The following TMEM135 variants were observed in gnomAD, a reference collection of about 807,000 sequenced individuals.
TMEM135 encodes the protein peroxisomal membrane protein 52.
A neutral mutation model predicts 60.3 loss-of-function variants in TMEM135; 30 were observed. The observed-to-expected ratio is 0.50, with a 90% CI of 0.37 to 0.68. The LOEUF (loss-of-function observed/expected upper bound fraction) is 0.68, where lower values mean the gene tolerates loss of function less well. Among genes scored for constraint, TMEM135 ranks in the 30% least tolerant of loss-of-function variants. The pLI is 0.00. For synonymous variants in TMEM135, 190 were observed against 186.7 expected (o/e 1.02, Z -0.14); for missense variants, 468 against 548.8 (o/e 0.85, Z 1.47).
In TMEM135 at chr11:87,324,099, T is replaced by C. The variant is rs959358076; in HGVS notation, c.*2766T>C. On this transcript the variant is annotated 3_prime_UTR_variant, in exon 15 of 15. Transcript: ENST00000305494. ...GCAAATGTCACACAGTATTTTCTTG[T>C]TGTGCTCGAGTGTTCGTCTCCTTGT... 2.4e-5 allele frequency: 11 copies of C among 453,994 alleles called. No homozygotes were observed. The highest frequency in any genetic ancestry group is 1.4e-4 in the Admixed American group (6 of 42,552). The allele number at this position is 453,994 out of a possible 1,614,324, so 28.1% of individuals were successfully genotyped here. A position where few individuals can be genotyped will look rare whatever the true frequency, so the allele number is the denominator to read the frequency against.
At chr11:87,236,932 G>C (rs1941011019) in intron 6 of TMEM135, among the ~76,000 whole-genome samples, 1 of 151,634 alleles carries the variant, frequency 6.6e-6, no homozygotes, top group African/African-American at 2.4e-5. Flanking sequence ...CTAGAAAGTT[G>C]AATATGTCAA....
At chr11:87,242,035 T>C (rs1202629379) in intron 6 of TMEM135, among the ~76,000 whole-genome samples, 2 of 148,252 alleles carry the variant, frequency 1.3e-5, no homozygotes, top group African/African-American at 5.0e-5. Flanking sequence ...CAGAGTGTAA[T>C]GTTCCCCTTC....
chr11:87,301,676 C>T (rs1459683122), intron 7 of TMEM135, among the ~76,000 whole-genome samples: 1 of 152,120 alleles, frequency 6.6e-6, no homozygotes, highest in Non-Finnish European at 1.5e-5. Flanking sequence ...AGGGCAATGA[C>T]TCTTACAGGA....
At chr11:87,256,913 C>A (rs1941538219) in intron 6 of TMEM135, among the ~76,000 whole-genome samples, 1 of 151,856 alleles carries the variant, frequency 6.6e-6, no homozygotes, top group South Asian at 2.1e-4. Flanking sequence ...TCCTTCCACA[C>A]ATTTGTGTGT....
chr11:87,247,501 G>A (rs1941310676), intron 6 of TMEM135, among the ~76,000 whole-genome samples: 1 of 152,092 alleles, frequency 6.6e-6, no homozygotes, highest in Non-Finnish European at 1.5e-5. Context: ...GCTGTGGTGG[G>A]CTCCACCCAG....
In TMEM135 at chr11:87,327,831, T is replaced by G; in HGVS notation, c.*6498T>G. The G allele has an allele frequency of 2.2e-6, 1 of 453,992 alleles. No homozygotes were observed. The highest frequency in any genetic ancestry group is 1.6e-5 in the South Asian group (1 of 64,472). 28.1% of individuals were successfully genotyped at this position (453,992 alleles called of 1,614,324 possible). ...GGTTAGAGGATCTGGGGTCCTAATGTCCATGGGCAGTTGGAGAAGAGTGTA... is the reference window on the plus strand; with the variant it reads ...GGTTAGAGGATCTGGGGTCCTAATGGCCATGGGCAGTTGGAGAAGAGTGTA... On this transcript the variant is annotated 3_prime_UTR_variant, in exon 15 of 15. Transcript: ENST00000305494.
chr11:87,170,061 T>C (rs972155099), intron 5 of TMEM135, among the ~76,000 whole-genome samples: 21 of 146,066 alleles, frequency 1.4e-4, no homozygotes, highest in Middle Eastern at 7.4e-3. Flanking sequence ...ATATCCTTTT[T>C]CCACTTGATC....
At chr11:87,147,240 T>C (rs1365879933) in intron 4 of TMEM135, among the ~76,000 whole-genome samples, 1 of 152,116 alleles carries the variant, frequency 6.6e-6, no homozygotes, top group Non-Finnish European at 1.5e-5. Flanking sequence ...CAAGAATCGC[T>C]TGAACCTGGC....
At chr11:87,318,368 T>C in intron 13 of TMEM135, 133 bp downstream of exon 13, 1 of 731,102 alleles carries the variant, frequency 1.4e-6, no homozygotes, top group Non-Finnish European at 2.3e-6. Flanking sequence ...TTTTGTTTTG[T>C]TTTGTTTTTT....
At chr11:87,076,675 C>T (rs1246664158) in intron 3 of TMEM135, among the ~76,000 whole-genome samples, 1 of 152,188 alleles carries the variant, frequency 6.6e-6, no homozygotes, top group Admixed American at 6.5e-5. Context: ...TGTCTCAGAG[C>T]CCAAGGCTAC....
rs557468600 is a variant in TMEM135 at position 87,244,564 on chromosome 11, C to T, written c.509+7880C>T. On this transcript the variant is annotated intron_variant, in intron 6 of 14. Transcript: ENST00000305494. ...GTCTATTCAGATATTCAACTTCTTC[C>T]TGGTTTAGTCTTGGGAGGATGTATG... Among the ~76,000 whole-genome samples the T allele has an allele frequency of 8.4e-5, 7 of 83,118 alleles. 1 individual carries two copies. The highest frequency in any genetic ancestry group is 1.5e-4 in the Non-Finnish European group (5 of 34,124). The allele number at this position is 83,118 out of a possible 152,430, so 54.5% of individuals were successfully genotyped here. A position where few individuals can be genotyped will look rare whatever the true frequency, so the allele number is the denominator to read the frequency against.
intron 6 of TMEM135, among the ~76,000 whole-genome samples, chr11:87,239,251 A>G (rs1223675725): frequency 2.6e-5 from 4 of 152,082 alleles, no homozygotes; most frequent in African/African-American, 9.7e-5. Context: ...TTTCTGAGGA[A>G]AGGGGTTGTT....
intron 6 of TMEM135, among the ~76,000 whole-genome samples, chr11:87,277,910 G>A (rs1261359428): frequency 6.6e-6 from 1 of 152,076 alleles, no homozygotes; most frequent in African/African-American, 2.4e-5. Context: ...ATGATACTCT[G>A]GAGTCAGTCA....
At chr11:87,060,206 A>G (rs530747105) in intron 1 of TMEM135, among the ~76,000 whole-genome samples, 6 of 152,296 alleles carry the variant, frequency 3.9e-5, no homozygotes, top group East Asian at 1.9e-4. Context: ...AGTCTCTGCT[A>G]TTGGAATTAA....
chr11:87,039,133 T>C (rs1439322399), intron 1 of TMEM135, among the ~76,000 whole-genome samples: 1 of 152,224 alleles, frequency 6.6e-6, no homozygotes, highest in Non-Finnish European at 1.5e-5. Flanking sequence ...CTCATTGAAG[T>C]AATTTAGATT....
chr11:87,250,614 C>CA (rs1941393965), intron 6 of TMEM135, among the ~76,000 whole-genome samples: 1 of 151,832 alleles, frequency 6.6e-6, no homozygotes, highest in Non-Finnish European at 1.5e-5. Flanking sequence ...AATTTTTTTC[C>CA]GTTCTGGTCA....
intron 4 of TMEM135, among the ~76,000 whole-genome samples, chr11:87,139,166 C>G (rs1345196711): frequency 6.6e-6 from 1 of 152,088 alleles, no homozygotes; most frequent in Non-Finnish European, 1.5e-5. Flanking sequence ...CTGTGTCCTT[C>G]CTAAAAAATT....
intron 4 of TMEM135, among the ~76,000 whole-genome samples, chr11:87,154,755 A>T (rs1938645220): frequency 1.3e-5 from 1 of 78,912 alleles, no homozygotes; most frequent in African/African-American, 5.0e-5. Flanking sequence ...TCATGTGCTT[A>T]TTGGCTATTT....
At chr11:87,157,074 GT>G (rs199977904) in intron 4 of TMEM135, among the ~76,000 whole-genome samples, 32,479 of 137,636 alleles carry the variant, frequency 0.24, 4,237 homozygotes, top group East Asian at 0.6. Flanking sequence ...TCTTTCTTTT[GT>G]TTTTTTTTTT....
Sources: allele counts gnomAD v4.1 joint callset (sites outside exome capture counted in the v4.1 genomes callset), GRCh38; gene constraint gnomAD v4.1.1; transcripts MANE v1.5; gene names NCBI Gene and HGNC (gene_info 2026-07-23, HGNC 2026-07-21).